GLOD4: variants seen among roughly 807,000 people sequenced by gnomAD.
GLOD4 encodes the protein glyoxalase domain containing 4.
A neutral mutation model predicts 39.1 loss-of-function variants in GLOD4; 44 were observed. That is an observed-to-expected ratio of 1.13 (90% CI 0.88 to 1.45). The LOEUF (loss-of-function observed/expected upper bound fraction) is 1.45. Ranked by LOEUF, GLOD4 falls within the 40% of genes most tolerant of loss-of-function variation. The pLI is 0.00. For synonymous variants in GLOD4, 145 were observed against 135.0 expected (o/e 1.07, Z -0.52); for missense variants, 405 against 366.4 (o/e 1.11, Z -0.86).
intron 4 of GLOD4, among the ~76,000 whole-genome samples, chr17:773,419 T>C (rs913127118): frequency 6.6e-6 from 1 of 152,198 alleles, no homozygotes; most frequent in Non-Finnish European, 1.5e-5. Context: ...TATACAGAAA[T>C]GTATACACTT....
At chr17:773,292 GACATT>G (rs1908306348) in intron 4 of GLOD4, among the ~76,000 whole-genome samples, 1 of 152,188 alleles carries the variant, frequency 6.6e-6, no homozygotes, top group Non-Finnish European at 1.5e-5. Context: ...TTACGACAAA[GACATT>G]CACCAGTGTT....
At chr17:783,393 A>G (rs1225122083), upstream of GLOD4, 10 of 1,479,138 alleles carry the variant, frequency 6.8e-6, no homozygotes, top group African/African-American at 2.8e-5. Context: ...CTGGAGTGCA[A>G]TGGCGCGATC....
chr17:778,086 C>T (rs774126199), intron 2 of GLOD4, among the ~76,000 whole-genome samples: 5 of 152,228 alleles, frequency 3.3e-5, no homozygotes, highest in Non-Finnish European at 5.9e-5. Flanking sequence ...ACTCCCCATG[C>T]CCTGCCCTGT....
intron 8 of GLOD4, among the ~76,000 whole-genome samples, chr17:769,043 C>T (rs572762664): frequency 2.0e-5 from 3 of 152,356 alleles, no homozygotes; most frequent in South Asian, 2.1e-4. Flanking sequence ...GAGCTTTCAG[C>T]GCCTGTTTGC....
chr17:772,538 A>G (rs554735809), intron 4 of GLOD4, among the ~76,000 whole-genome samples: 3 of 152,330 alleles, frequency 2.0e-5, no homozygotes, highest in South Asian at 4.1e-4. Flanking sequence ...TAGAGTATAC[A>G]ACACAGTAGG....
chr17:770,686 C>A, intron 5 of GLOD4, 179 bp from the exon 6 acceptor site: 2 of 467,476 alleles, frequency 4.3e-6, no homozygotes, highest in East Asian at 3.2e-5. Flanking sequence ...AAGCACTGCA[C>A]GCATCTATGT....
intron 8 of GLOD4, chr17:765,387 A>T (rs573035061): frequency 6.6e-6 from 1 of 151,120 alleles, no homozygotes; most frequent in South Asian, 2.1e-4. Context: ...GGGCAGAGGT[A>T]AGGAGAGGTC....
intron 8 of GLOD4, among the ~76,000 whole-genome samples, chr17:762,048 C>A (rs1035854005): frequency 6.6e-6 from 1 of 152,160 alleles, no homozygotes; most frequent in Non-Finnish European, 1.5e-5. Flanking sequence ...AGAGAGCTAT[C>A]GGATTAAACG....
chr17:770,693 A>G (rs1032946136), intron 5 of GLOD4, 186 bp from the exon 6 acceptor site: 9 of 413,020 alleles, frequency 2.2e-5, no homozygotes, highest in African/African-American at 1.8e-4. Flanking sequence ...GCACGCATCT[A>G]TGTTTTTTTT....
intron 8 of GLOD4, among the ~76,000 whole-genome samples, chr17:768,589 A>G (rs1237784450): frequency 3.1e-4 from 41 of 130,650 alleles, no homozygotes; most frequent in African/African-American, 9.9e-4. Context: ...TTTTTAGAAG[A>G]AGAAGTCTGG....
At chr17:779,723 C>T (rs1909557367) in intron 1 of GLOD4, among the ~76,000 whole-genome samples, 1 of 152,120 alleles carries the variant, frequency 6.6e-6, no homozygotes, top group Admixed American at 6.6e-5. Context: ...TCTCAGTCTC[C>T]TAACATGTGA....
chr17:777,084 G>C (rs553407110), intron 2 of GLOD4, 96 bp from the exon 3 acceptor site: 114 of 1,189,160 alleles, frequency 9.6e-5, no homozygotes, highest in Admixed American at 2.1e-4. Context: ...GAGCATTCCT[G>C]TCTGGTCCTA....
intron 8 of GLOD4, among the ~76,000 whole-genome samples, chr17:766,325 G>A (rs1597577431): frequency 6.7e-6 from 1 of 149,988 alleles, no homozygotes; most frequent in African/African-American, 2.5e-5. Flanking sequence ...CCCAGGCGTG[G>A]TGGCTCACGC....
chr17:765,436 A>G (rs1283233524), intron 8 of GLOD4: 1 of 150,616 alleles, frequency 6.6e-6, no homozygotes, highest in East Asian at 2.2e-4. Context: ...AGAATGCAGA[A>G]TGGGAAAAAC....
At chr17:764,211 C>T (rs1906044032) in intron 8 of GLOD4, 1 of 152,102 alleles carries the variant, frequency 6.6e-6, no homozygotes, top group South Asian at 2.1e-4. Flanking sequence ...CACTGGAGGC[C>T]AGCCTGGGCA....
intron 8 of GLOD4, among the ~76,000 whole-genome samples, chr17:762,351 G>A (rs1447388750): frequency 6.6e-6 from 1 of 152,258 alleles, no homozygotes; most frequent in Non-Finnish European, 1.5e-5. Flanking sequence ...TACTGTCCAG[G>A]GAGGGAGCAG....
intron 8 of GLOD4, among the ~76,000 whole-genome samples, chr17:762,093 G>A (rs1207288166): frequency 6.6e-6 from 1 of 152,204 alleles, no homozygotes; most frequent in Non-Finnish European, 1.5e-5. Flanking sequence ...CTTTGGGACA[G>A]ACCGTAAGTT....
upstream of GLOD4, chr17:782,341 C>G (rs1179629435): frequency 6.2e-7 from 1 of 1,612,298 alleles, no homozygotes; most frequent in Non-Finnish European, 8.5e-7. Flanking sequence ...TAGCCGCCGA[C>G]GGCGCGCTTT....
Position 782,247 on chromosome 17 carries a change from A to G in GLOD4, c.9T>C (p.Ala3=). 1 of 1,613,228 alleles carries G rather than the reference A, an allele frequency of 6.2e-7. No individual in the cohort carries two copies. The change falls in exon 1 of 9, where the codon GCT becomes GCC. Residue 3 remains alanine (A), a synonymous_variant. Transcript: ENST00000301329. MA[A]RRALHFVFKV... is the part of the protein sequence containing the mutation. ...TGAATACGAAGTGCAGAGCTCTGCG[A>G]GCAGCCATGATTCCCGCCGCACGCA...
Sources: allele counts gnomAD v4.1 joint callset (sites outside exome capture counted in the v4.1 genomes callset), GRCh38; gene constraint gnomAD v4.1.1; transcripts MANE v1.5; gene names NCBI Gene and HGNC (gene_info 2026-07-23, HGNC 2026-07-21).